Variants in NMT2 observed in about 807,000 individuals in gnomAD.
NMT2 encodes the protein N-myristoyltransferase 2.
Under a neutral mutation model 65.4 loss-of-function variants are expected in NMT2, and 35 were observed. That is an observed-to-expected ratio of 0.54 (90% CI 0.41 to 0.71). The LOEUF (loss-of-function observed/expected upper bound fraction) is 0.71, where lower values mean the gene tolerates loss of function less well. Ranked by LOEUF, NMT2 falls within the 30% of genes least tolerant of loss-of-function variation. NMT2 has a pLI of 0.00. For synonymous variants in NMT2, 226 were observed against 231.8 expected (o/e 0.98, Z 0.23); for missense variants, 489 against 611.3 (o/e 0.80, Z 2.11).
intron 2 of NMT2, among the ~76,000 whole-genome samples, chr10:15,139,297 C>CTATCTATCT (rs1564577442): frequency 8.5e-6 from 1 of 118,116 alleles, no homozygotes; most frequent in African/African-American, 3.2e-5. Context: ...TCTATCTATC[C>CTATCTATCT]ATCCATCCAT....
intron 1 of NMT2, among the ~76,000 whole-genome samples, chr10:15,156,757 G>A (rs1215770367): frequency 3.3e-5 from 5 of 152,028 alleles, no homozygotes; most frequent in African/African-American, 4.8e-5. Flanking sequence ...TTAGCCATAC[G>A]TGGTGGCACA....
chr10:15,142,017 T>G (rs1006249773), intron 1 of NMT2, among the ~76,000 whole-genome samples: 3 of 152,214 alleles, frequency 2.0e-5, no homozygotes, highest in African/African-American at 7.2e-5. Flanking sequence ...TGATAAAGAT[T>G]TTTACTAGGG....
At chr10:15,127,030 A>T (rs911885500) in intron 8 of NMT2, among the ~76,000 whole-genome samples, 30 of 151,916 alleles carry the variant, frequency 2.0e-4, no homozygotes, top group African/African-American at 7.2e-4. Flanking sequence ...CAGGAGTTCA[A>T]GACCAGCCTG....
At chr10:15,155,462 G>C in intron 1 of NMT2, 1 of 480,688 alleles carries the variant, frequency 2.1e-6, no homozygotes, top group Admixed American at 3.3e-5. Context: ...TTGAACTTCC[G>C]GGCTCAAGTG....
chr10:15,158,320 A>G (rs1291947965), intron 1 of NMT2, among the ~76,000 whole-genome samples: 1 of 152,006 alleles, frequency 6.6e-6, no homozygotes, highest in Non-Finnish European at 1.5e-5. Context: ...TGTCTCAAAA[A>G]AAAAAAAAAG....
At position 15,130,094 on chromosome 10, in the gene NMT2, A is replaced by G. The variant is rs117040477; in HGVS notation, c.890+48T>C. 3.1e-3 allele frequency: 4,182 copies of G among 1,358,184 alleles called. 223 individuals are homozygous for G. The East Asian group carries it at 0.096, about 31-fold the overall frequency. The allele number at this position is 1,358,184 out of a possible 1,614,324, so 84.1% of individuals were successfully genotyped here. A position where few individuals can be genotyped will look rare whatever the true frequency, so the allele number is the denominator to read the frequency against. The stretch of plus-strand genomic sequence containing the variant: ...TCTAGCAGAACAGTGGTGAGGCTCA[A>G]CATTTTTGATAAAGGGAGGACCTGA... On this transcript the variant is annotated intron_variant, in intron 7 of 11. Coordinates refer to ENST00000378165, the MANE Select transcript of NMT2 (RefSeq NM_004808.3).
intron 8 of NMT2, among the ~76,000 whole-genome samples, chr10:15,122,586 AT>A (rs1259171553): frequency 1.3e-5 from 2 of 151,990 alleles, no homozygotes; most frequent in Non-Finnish European, 2.9e-5. Flanking sequence ...CGCCCAGCTA[AT>A]TTTTTGTATT....
At chr10:15,139,288 CTAT>C (rs770432908) in intron 2 of NMT2, among the ~76,000 whole-genome samples, 49 of 147,834 alleles carry the variant, frequency 3.3e-4, no homozygotes, top group East Asian at 7.7e-4. Context: ...ATCTATCTAT[CTAT>C]CTATCCATCC....
chr10:15,168,406 A>T (rs1305893406), intron 1 of NMT2, 97 bp downstream of exon 1: 2 of 838,638 alleles, frequency 2.4e-6, no homozygotes, highest in Admixed American at 4.7e-5. Context: ...GGAGCGGCCG[A>T]AGAACCCCCA....
chr10:15,167,930 C>T (rs1456682034), intron 1 of NMT2, among the ~76,000 whole-genome samples: 1 of 152,224 alleles, frequency 6.6e-6, no homozygotes, highest in Non-Finnish European at 1.5e-5. Context: ...AGGGGCCGGG[C>T]CCGGGACCCC....
intron 8 of NMT2, among the ~76,000 whole-genome samples, 190 bp from the exon 9 acceptor site, chr10:15,119,703 T>C (rs570788773): frequency 2.0e-5 from 3 of 152,330 alleles, no homozygotes; most frequent in South Asian, 2.1e-4. Flanking sequence ...TTCCTTGGGT[T>C]TGTACATACA....
intron 1 of NMT2, among the ~76,000 whole-genome samples, chr10:15,157,745 T>A (rs988093866): frequency 2.6e-5 from 4 of 152,162 alleles, no homozygotes; most frequent in Admixed American, 6.5e-5. Flanking sequence ...TGTATGATTT[T>A]AAAAAAATTA....
chr10:15,156,825 G>A (rs1833016902), intron 1 of NMT2, among the ~76,000 whole-genome samples: 1 of 152,084 alleles, frequency 6.6e-6, no homozygotes, highest in Admixed American at 6.5e-5. Context: ...GAACCCGGGA[G>A]GCGGAGGTTG....
chr10:15,113,633 C>T (rs1589291616), intron 9 of NMT2, among the ~76,000 whole-genome samples: 2 of 152,148 alleles, frequency 1.3e-5, no homozygotes, highest in East Asian at 3.9e-4. Context: ...TAGAGGGCTG[C>T]CTTCTCCAAC....
chr10:15,155,714 G>A (rs1035785702), intron 1 of NMT2, among the ~76,000 whole-genome samples: 3 of 151,788 alleles, frequency 2.0e-5, no homozygotes, highest in African/African-American at 7.3e-5. Flanking sequence ...CACAGTATGT[G>A]ATCTTCTTTT....
At chr10:15,124,154 C>T (rs1846009746) in intron 8 of NMT2, among the ~76,000 whole-genome samples, 1 of 152,172 alleles carries the variant, frequency 6.6e-6, no homozygotes, top group Admixed American at 6.5e-5. Flanking sequence ...TTATCAACAT[C>T]AAATTACCTT....
intron 8 of NMT2, among the ~76,000 whole-genome samples, chr10:15,121,523 A>G (rs912688262): frequency 6.6e-6 from 1 of 151,934 alleles, no homozygotes; most frequent in African/African-American, 2.4e-5. Flanking sequence ...ACCTGCCACC[A>G]CGCCCGGCTA....
chr10:15,126,503 T>A (rs957690498), intron 8 of NMT2, among the ~76,000 whole-genome samples: 4 of 152,044 alleles, frequency 2.6e-5, no homozygotes. Flanking sequence ...GGGTTCTGAC[T>A]TCCATCTTGC....
rs1390846890 is a variant in NMT2, at chr10:15,108,250, C to T, written c.*945G>A. On this transcript the variant is annotated 3_prime_UTR_variant, in exon 12 of 12. Transcript: ENST00000378165. ...TCACCCAGGCTGGAGTGCAGTGGCTCGATCTCGGCTCACTGCAACCTCACC... is the reference window on the plus strand; with the variant it reads ...TCACCCAGGCTGGAGTGCAGTGGCTTGATCTCGGCTCACTGCAACCTCACC... 11 of 908,724 alleles carry T rather than the reference C, an allele frequency of 1.2e-5. No individual in the cohort carries two copies. The highest frequency in any genetic ancestry group is 1.1e-4 in the African/African-American group (6 of 54,648). 56.3% of individuals were successfully genotyped at this position (908,724 alleles called of 1,614,324 possible).
Sources: gnomAD v4.1 joint callset for allele counts (sites outside exome capture counted in the v4.1 genomes callset) on GRCh38, gnomAD v4.1.1 for gene constraint, MANE v1.5 for transcripts, NCBI Gene and HGNC (gene_info 2026-07-23, HGNC 2026-07-21) for gene names.